STAB2: variants seen among roughly 807,000 people sequenced by gnomAD.
STAB2 encodes stabilin 2.
Under a neutral mutation model 338.1 loss-of-function variants are expected in STAB2, and 288 were observed. The observed-to-expected ratio is 0.85, with a 90% CI of 0.77 to 0.94. The LOEUF (loss-of-function observed/expected upper bound fraction) is 0.94, where lower values mean the gene tolerates loss of function less well. Among genes scored for constraint, STAB2 ranks in the 40% least tolerant of loss-of-function variants. The pLI is 0.00. For missense variants in STAB2, 3,141 were observed against 3,210.1 expected, an observed-to-expected ratio of 0.98 and a Z score of 0.52; for synonymous variants, 1,202 against 1,193.3, an observed-to-expected ratio of 1.01 and a Z score of -0.15.
chr12:103,710,272 G>A (rs1223486992), intron 39 of STAB2, among the ~76,000 whole-genome samples: 1 of 152,142 alleles, frequency 6.6e-6, no homozygotes, highest in East Asian at 1.9e-4. Flanking sequence ...CACTCACCCA[G>A]TTTTCCAGAC....
At chr12:103,662,706 G>A in intron 17 of STAB2, 140 bp from the exon 18 acceptor site, 5 of 946,628 alleles carry the variant, frequency 5.3e-6, no homozygotes, top group Non-Finnish European at 7.7e-6. Context: ...CCTTATAATA[G>A]CAACCTACCC....
intron 3 of STAB2, among the ~76,000 whole-genome samples, chr12:103,607,349 T>C (rs1303158816): frequency 6.6e-6 from 1 of 151,780 alleles, no homozygotes; most frequent in Non-Finnish European, 1.5e-5. Context: ...TCAGTCTTTT[T>C]TCTCTCCATG....
chr12:103,673,992 C>T lies in STAB2; in HGVS notation c.2457C>T (p.Ala819=), dbSNP rs373981722. The change falls in exon 23 of 69, where the codon GCC becomes GCT. Residue 819 remains alanine (A), a synonymous_variant. Coordinates refer to ENST00000388887, the MANE Select transcript of STAB2 (RefSeq NM_017564.10). Reference sequence around the variant, plus strand: ...CTGGCACATGCAGAGACGGCTCTGCCGGGAGACTCTGTGATAAGCAGACCT... The same window carrying T: ...CTGGCACATGCAGAGACGGCTCTGCTGGGAGACTCTGTGATAAGCAGACCT... The part of the protein sequence containing the change: ...CLTGTCRDGS[A]GRLCDKQTSA... 85 of 1,613,948 alleles carry T rather than the reference C, an allele frequency of 5.3e-5. No individual in the cohort carries two copies. The East Asian group carries it at 8.0e-4, about 15-fold the overall frequency.
In STAB2 at chr12:103,755,604, C is replaced by T. The variant is rs781536609; in HGVS notation, c.6881-8C>T. On this transcript the variant is annotated splice_polypyrimidine_tract_variant and splice_region_variant and intron_variant, in intron 62 of 68. Coordinates refer to ENST00000388887, the MANE Select transcript of STAB2 (RefSeq NM_017564.10). Reference sequence around the variant, plus strand: ...TTGTGTGGGACCCTGTGTGCCTCTGCCCTCCAGATGTGAACTGCACCTGCA... The same window carrying T: ...TTGTGTGGGACCCTGTGTGCCTCTGTCCTCCAGATGTGAACTGCACCTGCA... 1.2e-6 allele frequency: 2 copies of T among 1,613,996 alleles called. No individual in the cohort carries two copies. The highest frequency in any genetic ancestry group is 2.2e-5 in the South Asian group (2 of 91,068).
chr12:103,663,795 T>A (rs567554347), intron 18 of STAB2, among the ~76,000 whole-genome samples: 1 of 152,198 alleles, frequency 6.6e-6, no homozygotes. Context: ...GGACACAAGT[T>A]TTTGGAAAGA....
chr12:103,639,471 G>A (rs59650072), intron 8 of STAB2, among the ~76,000 whole-genome samples: 2 of 152,104 alleles, frequency 1.3e-5, no homozygotes, highest in Admixed American at 6.5e-5. Context: ...GGGAGGCTGA[G>A]GCAGATGGAT....
intron 58 of STAB2, 72 bp downstream of exon 58, chr12:103,746,776 T>G: frequency 6.7e-7 from 1 of 1,482,546 alleles, no homozygotes; most frequent in Non-Finnish European, 9.4e-7. Context: ...TCACAGTGCC[T>G]GGGCTTCATC....
chr12:103,663,458 G>A (rs536676928), intron 18 of STAB2, among the ~76,000 whole-genome samples: 15 of 152,156 alleles, frequency 9.9e-5, no homozygotes, highest in Non-Finnish European at 1.2e-4. Context: ...GGGTCTCACT[G>A]TGTTGCCCAG....
In STAB2 at chr12:103,753,242, T is replaced by C; in HGVS notation, c.6603T>C (p.His2201=). ...CAGATACCACTGTTGGGGTGTTCCA[T>C]CTACGCTCCCCACTGGGCCAGTATA... is the stretch of plus-strand genomic sequence containing the variant. The part of the protein sequence containing the change: ...HFQDTTVGVF[H]LRSPLGQYKL... Residue 2201 remains histidine (H), a synonymous_variant, in exon 61 of 69, where the codon CAT becomes CAC. Coordinates refer to ENST00000388887, the MANE Select transcript of STAB2 (RefSeq NM_017564.10). 2 of 1,614,214 alleles carry C rather than the reference T, an allele frequency of 1.2e-6. No individual in the cohort carries two copies. The highest frequency in any genetic ancestry group is 1.1e-5 in the South Asian group (1 of 91,084).
chr12:103,620,352 C>T, intron 3 of STAB2, 116 bp from the exon 4 acceptor site: 1 of 915,532 alleles, frequency 1.1e-6, no homozygotes, highest in Non-Finnish European at 1.7e-6. Context: ...CCAACAGGTT[C>T]TGCAATTATT....
intron 33 of STAB2, among the ~76,000 whole-genome samples, chr12:103,698,314 C>T (rs1183476388): frequency 6.6e-6 from 1 of 152,128 alleles, no homozygotes; most frequent in Non-Finnish European, 1.5e-5. Context: ...CAGGATGTTT[C>T]TCTTCCCTTT....
intron 3 of STAB2, among the ~76,000 whole-genome samples, chr12:103,604,476 A>C (rs1323490017): frequency 6.6e-6 from 1 of 152,096 alleles, no homozygotes; most frequent in Non-Finnish European, 1.5e-5. Flanking sequence ...TTCACCAACA[A>C]AGCCATTTGG....
At chr12:103,646,353 C>A (rs1016073282) in intron 9 of STAB2, among the ~76,000 whole-genome samples, 1 of 152,222 alleles carries the variant, frequency 6.6e-6, no homozygotes, top group African/African-American at 2.4e-5. Context: ...TATCTCTCTA[C>A]GGGCTGTCCT....
chr12:103,612,251 G>A (rs901876151), intron 3 of STAB2, among the ~76,000 whole-genome samples: 1 of 152,206 alleles, frequency 6.6e-6, no homozygotes, highest in African/African-American at 2.4e-5. Context: ...GATTAGGGAA[G>A]TTCTCCTGGA....
intron 38 of STAB2, 60 bp from the exon 39 acceptor site, chr12:103,708,381 C>T: frequency 1.3e-6 from 2 of 1,540,998 alleles, no homozygotes; most frequent in Non-Finnish European, 9.0e-7. Flanking sequence ...TAGTAAATGA[C>T]AAATGAGTTA....
At chr12:103,594,862 A>G (rs567081777) in intron 3 of STAB2, among the ~76,000 whole-genome samples, 1 of 152,346 alleles carries the variant, frequency 6.6e-6, no homozygotes, top group South Asian at 2.1e-4. Context: ...TTTTGTTACA[A>G]TGTCTCAAAG....
intron 2 of STAB2, 50 bp downstream of exon 2, chr12:103,591,080 T>C: frequency 6.2e-7 from 1 of 1,606,324 alleles, no homozygotes; most frequent in Non-Finnish European, 8.5e-7. Flanking sequence ...AACTTGAAGC[T>C]CCCTGTCTCA....
chr12:103,692,396 AG>A (rs35281586), intron 30 of STAB2, among the ~76,000 whole-genome samples: 12 of 151,934 alleles, frequency 7.9e-5, no homozygotes, highest in African/African-American at 2.9e-4. Flanking sequence ...TTGTGGGGGC[AG>A]GGGGGGACAC....
At chr12:103,589,084 T>A (rs1225886414) in intron 1 of STAB2, among the ~76,000 whole-genome samples, 2 of 152,228 alleles carry the variant, frequency 1.3e-5, no homozygotes, top group Non-Finnish European at 2.9e-5. Flanking sequence ...ATGAGGATGA[T>A]GATACCTGCC....
Sources: gnomAD v4.1 joint callset for allele counts (sites outside exome capture counted in the v4.1 genomes callset) on GRCh38, gnomAD v4.1.1 for gene constraint, MANE v1.5 for transcripts, NCBI Gene and HGNC (gene_info 2026-07-23, HGNC 2026-07-21) for gene names.